The following PLAGL1 variants were observed in gnomAD, a reference collection of about 807,000 sequenced individuals.
PLAGL1 encodes the protein PLAG1 like zinc finger 1, also known as zinc finger protein PLAGL1.
A neutral mutation model predicts 4.6 loss-of-function variants in PLAGL1; 1 was observed. The observed-to-expected ratio is 0.22, with a 90% confidence interval of 0.08 to 1.03. PLAGL1 has a LOEUF of 1.03. Among genes scored for constraint, PLAGL1 ranks in the 50% least tolerant of loss-of-function variants. PLAGL1 has a pLI of 0.58. For missense variants in PLAGL1, 464 were observed against 570.4 expected, an observed-to-expected ratio of 0.81 and a Z score of 1.90; for synonymous variants, 240 against 237.8, an observed-to-expected ratio of 1.01 and a Z score of -0.08.
chr6:144,009,961 T>G (rs1412465514), upstream of PLAGL1, among the ~76,000 whole-genome samples: 1 of 152,218 alleles, frequency 6.6e-6, no homozygotes, highest in East Asian at 1.9e-4. Flanking sequence ...CTATTGTGAA[T>G]AGTGCTTCAA....
chr6:144,052,273 ATCAG>A (rs774767898), intron 1 of PLAGL1, among the ~76,000 whole-genome samples: 15 of 152,214 alleles, frequency 9.9e-5, no homozygotes, highest in Non-Finnish European at 2.1e-4. Flanking sequence ...AGAAGGAGCA[ATCAG>A]TCAATCAATC....
At position 144,048,473 on chromosome 6, in the gene PLAGL1, G is replaced by A. The variant is rs1798339781; in HGVS notation, c.-151+15995C>T. On this transcript the variant is annotated intron_variant, in intron 1 of 3. Transcript: ENST00000437412. The surrounding 1 kb of genome is among the most constrained non-coding windows in gnomAD (Gnocchi z 4.8). ...ATTCAGGCATTTCCATACATCCTTTGAAGTCTAGGCAGAGGTTCCCAAACC... is the reference window on the plus strand; with the variant it reads ...ATTCAGGCATTTCCATACATCCTTTAAAGTCTAGGCAGAGGTTCCCAAACC... Among the ~76,000 whole-genome samples the A allele has an allele frequency of 6.6e-6, 1 of 152,226 alleles. No individual in the cohort carries two copies. The highest frequency in any genetic ancestry group is 6.5e-5 in the Admixed American group (1 of 15,284).
intron 1 of PLAGL1, chr6:144,007,036 A>G (rs968505670): frequency 3.9e-5 from 6 of 152,220 alleles, no homozygotes; most frequent in African/African-American, 1.4e-4. Context: ...CTTAAGGATG[A>G]ATACCCAGGC....
chr6:143,991,277 C>T (rs1790419816), intron 1 of PLAGL1, among the ~76,000 whole-genome samples: 1 of 152,206 alleles, frequency 6.6e-6, no homozygotes, highest in Non-Finnish European at 1.5e-5. Flanking sequence ...TGCAGACCAA[C>T]TAAGTTCAAA....
chr6:143,953,275 A>C lies in PLAGL1; in HGVS notation c.-324-4815T>G, dbSNP rs1781442682. 6.6e-6 allele frequency among the ~76,000 whole-genome samples: 1 copy of C among 152,210 alleles called. No individual in the cohort carries two copies. The highest frequency in any genetic ancestry group is 2.4e-5 in the African/African-American group (1 of 41,448). ...TGTAGGAAGCACTACCTGCCCTTCT[A>C]TTCTGCTCTGAGAGAGCCACCTGCT... On this transcript the variant is annotated intron_variant, in intron 6 of 7. Coordinates refer to ENST00000674357, the MANE Select transcript of PLAGL1 (RefSeq NM_001317162.2). This position sits in a 1 kb window ranked among gnomAD's most constrained non-coding sequence, Gnocchi z 5.3.
At position 143,979,571 on chromosome 6, in the gene PLAGL1, A is replaced by C. The variant is rs1787444388; in HGVS notation, c.-544+5564T>G. ...ATGGTGTACTTCCAAGGGATATACCAGTTCATGTAGAGTATAAAAACTTTA... is the reference window on the plus strand; with the variant it reads ...ATGGTGTACTTCCAAGGGATATACCCGTTCATGTAGAGTATAAAAACTTTA... On this transcript the variant is annotated intron_variant, in intron 2 of 7. Coordinates refer to ENST00000674357, the MANE Select transcript of PLAGL1 (RefSeq NM_001317162.2). This position sits in a 1 kb window ranked among gnomAD's most constrained non-coding sequence, Gnocchi z 4.6. Among the ~76,000 whole-genome samples the C allele has an allele frequency of 6.6e-6, 1 of 152,118 alleles. No homozygotes were observed. The highest frequency in any genetic ancestry group is 1.5e-5 in the Non-Finnish European group (1 of 67,960).
rs1336143339 is a variant in PLAGL1 at position 143,945,607 on chromosome 6, C to G, written c.152+2378G>C. On this transcript the variant is annotated intron_variant, in intron 7 of 7. Transcript: ENST00000674357. This position sits in a 1 kb window ranked among gnomAD's most constrained non-coding sequence, Gnocchi z 4.2. ...CCTCCTACCTCAGCCTCCCGAGTAG[C>G]TGGGATTACAGGCGTGTACCACCAC... 1.3e-5 allele frequency among the ~76,000 whole-genome samples: 2 copies of G among 152,206 alleles called. No homozygotes were observed. The highest frequency in any genetic ancestry group is 2.9e-5 in the Non-Finnish European group (2 of 68,038).
chr6:143,945,035 C>A lies in PLAGL1; in HGVS notation c.153-2372G>T, dbSNP rs534682130. ...CCCCAGTAGTACTTGAGCAAGACCA[C>A]TGCCTTCCAGACTTCACTAGCTCCC... On this transcript the variant is annotated intron_variant, in intron 7 of 7. Transcript: ENST00000674357. This position sits in a 1 kb window ranked among gnomAD's most constrained non-coding sequence, Gnocchi z 4.2. Among the ~76,000 whole-genome samples, 1 of 152,292 alleles carries A rather than the reference C, an allele frequency of 6.6e-6. No homozygotes were observed. The highest frequency in any genetic ancestry group is 2.1e-4 in the South Asian group (1 of 4,824).
chr6:143,976,252 T>C (rs1786498306), intron 2 of PLAGL1, among the ~76,000 whole-genome samples: 1 of 150,670 alleles, frequency 6.6e-6, no homozygotes. Context: ...TTCTGGAATA[T>C]TCCTGGTCGC....
intron 1 of PLAGL1, among the ~76,000 whole-genome samples, chr6:144,043,845 C>A (rs539675201): frequency 2.0e-5 from 3 of 152,272 alleles, no homozygotes; most frequent in South Asian, 4.1e-4. Context: ...ATTATTGCCT[C>A]AATTTCAGGG....
intron 1 of PLAGL1, among the ~76,000 whole-genome samples, chr6:144,021,002 A>C (rs937000620): frequency 3.3e-5 from 5 of 151,074 alleles, no homozygotes; most frequent in African/African-American, 1.2e-4. Flanking sequence ...ATGAGGACAC[A>C]GTGTTTAGGG....
chr6:143,988,308 T>A (rs183429394), intron 1 of PLAGL1, among the ~76,000 whole-genome samples: 1 of 152,356 alleles, frequency 6.6e-6, no homozygotes, highest in Admixed American at 6.5e-5. Context: ...AGTTGTTAAA[T>A]TCTTAGAGGA....
intron 1 of PLAGL1, among the ~76,000 whole-genome samples, chr6:144,029,591 G>A (rs373653942): frequency 1.3e-5 from 2 of 152,350 alleles, no homozygotes; most frequent in East Asian, 1.9e-4. Flanking sequence ...AAACTATGCT[G>A]AGATTTTCCA....
In PLAGL1 at chr6:143,941,598, C is replaced by G. The variant is rs765442934; in HGVS notation, c.1218G>C (p.Gly406=). Reference sequence around the variant, plus strand: ...ACCTGTGGGGCAAAGATTCCCCAGGCCCCAGGGCAAGAGTGCTATTCCCAA... The same window carrying G: ...ACCTGTGGGGCAAAGATTCCCCAGGGCCCAGGGCAAGAGTGCTATTCCCAA... ...NTFGNSTLAL[G]PGESLPHRLS... is the part of the protein sequence containing the mutation. Residue 406 remains glycine (G), a synonymous_variant, in exon 8 of 8, where the codon GGG becomes GGC. Coordinates refer to ENST00000674357, the MANE Select transcript of PLAGL1 (RefSeq NM_001317162.2). This position sits in a 1 kb window ranked among gnomAD's most constrained non-coding sequence, Gnocchi z 6.0. The G allele has an allele frequency of 6.2e-7, 1 of 1,611,728 alleles. No individual in the cohort carries two copies. Among genetic ancestry groups the G allele is most frequent in the Non-Finnish European group, 8.5e-7 (1 of 1,178,484 alleles).
intron 1 of PLAGL1, among the ~76,000 whole-genome samples, chr6:144,047,650 A>G (rs1379724218): frequency 6.6e-6 from 1 of 152,116 alleles, no homozygotes; most frequent in African/African-American, 2.4e-5. Flanking sequence ...AGCATGGGGA[A>G]AACCATCCCC....
At chr6:144,021,328 A>G (rs1562581209) in intron 1 of PLAGL1, among the ~76,000 whole-genome samples, 1 of 152,142 alleles carries the variant, frequency 6.6e-6, no homozygotes, top group Non-Finnish European at 1.5e-5. Context: ...TTATTACTGT[A>G]TTTTTGTGTT....
intron 2 of PLAGL1, among the ~76,000 whole-genome samples, chr6:143,977,866 A>G (rs1416495937): frequency 6.6e-6 from 1 of 152,116 alleles, no homozygotes; most frequent in Non-Finnish European, 1.5e-5. Flanking sequence ...AGAATTCACC[A>G]GTACAACCAT....
In PLAGL1 at chr6:143,995,024, G is replaced by A. The variant is rs1158625732; in HGVS notation, c.-583-9850C>T. ...CCATCACAAAGAGCAGGCACCCTGT[G>A]CTCAGAATCCAAGTAATCAGAGGTC... On this transcript the variant is annotated intron_variant, in intron 1 of 7. Transcript: ENST00000674357. This position sits in a 1 kb window ranked among gnomAD's most constrained non-coding sequence, Gnocchi z 4.4. Among the ~76,000 whole-genome samples the A allele has an allele frequency of 6.6e-6, 1 of 152,148 alleles. No homozygotes were observed. The highest frequency in any genetic ancestry group is 1.5e-5 in the Non-Finnish European group (1 of 68,014).
intron 1 of PLAGL1, among the ~76,000 whole-genome samples, chr6:144,020,399 T>C (rs1401236744): frequency 6.6e-6 from 1 of 151,920 alleles, no homozygotes; most frequent in African/African-American, 2.4e-5. Flanking sequence ...GCAAGTCTCC[T>C]GCCTCAGCCT....
Sources: gnomAD v4.1 joint callset for allele counts (sites outside exome capture counted in the v4.1 genomes callset) on GRCh38, gnomAD v4.1.1 for gene constraint, Gnocchi (gnomAD v3.1) non-coding constraint, MANE v1.5 for transcripts, NCBI Gene and HGNC (gene_info 2026-07-23, HGNC 2026-07-21) for gene names.